Variants in VWA2 observed in about 807,000 individuals in gnomAD.
VWA2 encodes von Willebrand factor A domain-containing protein 2.
VWA2 carries 73 observed loss-of-function variants against 70.4 expected under a neutral mutation model. The observed-to-expected ratio is 1.04, with a 90% CI of 0.86 to 1.26. VWA2 has a LOEUF of 1.26. VWA2 is among the 50% of genes most tolerant of loss of function. The pLI, the probability that VWA2 is intolerant of heterozygous loss-of-function variation, is 0.00. For missense variants in VWA2, 1,011 were observed against 998.5 expected, an observed-to-expected ratio of 1.01 and a Z score of -0.17; for synonymous variants, 407 against 423.3, an observed-to-expected ratio of 0.96 and a Z score of 0.47.
rs778425852 is a variant in VWA2, at chr10:114,248,688, T to G, written c.-10-16T>G. ...CTAATTGCTGATACTTTCTTTCTTT[T>G]CCTGTGTCCCTGTAGTTATATCAAC... On this transcript the variant is annotated splice_polypyrimidine_tract_variant and intron_variant, in intron 1 of 13. Transcript: ENST00000392982. The G allele has an allele frequency of 6.2e-7, 1 of 1,609,730 alleles. No individual in the cohort carries two copies. Among genetic ancestry groups the G allele is most frequent in the South Asian group, 1.1e-5 (1 of 91,036 alleles).
intron 3 of VWA2, 152 bp from the exon 4 acceptor site, chr10:114,254,763 G>T (rs2037284517): frequency 9.8e-7 from 1 of 1,019,908 alleles, no homozygotes; most frequent in African/African-American, 1.6e-5. Context: ...TGTGCTTCCT[G>T]CTTCAGAGGA....
intron 5 of VWA2, among the ~76,000 whole-genome samples, chr10:114,266,834 C>A (rs114836130): frequency 2.1e-3 from 315 of 152,314 alleles, no homozygotes; most frequent in African/African-American, 7.1e-3. Context: ...TCCCCGGCCC[C>A]TTTCAAACCA....
chr10:114,285,998 G>T lies in VWA2; in HGVS notation c.1057G>T (p.Gly353Cys). The change falls in exon 11 of 14, where the codon GGC becomes TGC. Residue 353 changes from glycine to cysteine, a missense_variant. Physicochemically the swap from Gly to Cys is radical, Grantham distance 159. Transcript: ENST00000392982. Reference sequence around the variant, plus strand: ...CCTCTTCCTGCTGGACAGCTCTGCGGGCACCACTCTGGACGGCTTCCTGCG... The same window carrying T: ...CCTCTTCCTGCTGGACAGCTCTGCGTGCACCACTCTGGACGGCTTCCTGCG... ...DLLFLLDSSA[G>C]TTLDGFLRAK... 6.2e-7 allele frequency: 1 copy of T among 1,613,888 alleles called. No homozygotes were observed. Among genetic ancestry groups the T allele is most frequent in the South Asian group, 1.1e-5 (1 of 91,026 alleles).
intron 6 of VWA2, among the ~76,000 whole-genome samples, chr10:114,277,352 T>A (rs1198133865): frequency 1.3e-5 from 2 of 151,508 alleles, no homozygotes; most frequent in Non-Finnish European, 2.9e-5. Flanking sequence ...CCCAGCTAAT[T>A]TTTGTATTTT....
intron 8 of VWA2, among the ~76,000 whole-genome samples, chr10:114,279,136 C>T (rs929756243): frequency 1.3e-5 from 2 of 152,144 alleles, no homozygotes; most frequent in East Asian, 3.9e-4. Context: ...CCCTGCAGGG[C>T]GGTGGTCTGC....
At chr10:114,279,225 T>C (rs2037936997) in intron 8 of VWA2, among the ~76,000 whole-genome samples, 1 of 152,088 alleles carries the variant, frequency 6.6e-6, no homozygotes, top group Admixed American at 6.5e-5. Flanking sequence ...GGCAAGAGGA[T>C]AGAGATCCTC....
chr10:114,255,157 C>A, intron 4 of VWA2, 109 bp downstream of exon 4: 2 of 1,390,746 alleles, frequency 1.4e-6, no homozygotes, highest in Non-Finnish European at 2.0e-6. Flanking sequence ...GCTGGGAAGA[C>A]CAAGGGGCTG....
chr10:114,274,891 C>T (rs1589762182), intron 6 of VWA2, among the ~76,000 whole-genome samples: 1 of 152,050 alleles, frequency 6.6e-6, no homozygotes, highest in Non-Finnish European at 1.5e-5. Context: ...TGACTTGAGC[C>T]CCAGAGTGAA....
At chr10:114,247,818 T>A (rs1445825874) in intron 1 of VWA2, among the ~76,000 whole-genome samples, 1 of 151,946 alleles carries the variant, frequency 6.6e-6, no homozygotes, top group Non-Finnish European at 1.5e-5. Context: ...AACCACAGCC[T>A]CTCCCAAGGT....
intron 3 of VWA2, among the ~76,000 whole-genome samples, chr10:114,254,183 T>C (rs1038867840): frequency 1.3e-5 from 2 of 151,756 alleles, no homozygotes; most frequent in Non-Finnish European, 2.9e-5. Context: ...GCAATCCTCC[T>C]GCCTCAGCCT....
chr10:114,291,974 T>C lies in VWA2; in HGVS notation c.*737T>C, dbSNP rs1237948901. Among the ~76,000 whole-genome samples the C allele has an allele frequency of 6.6e-6, 1 of 152,006 alleles. No homozygotes were observed. Among genetic ancestry groups the C allele is most frequent in the Non-Finnish European group, 1.5e-5 (1 of 67,994 alleles). On this transcript the variant is annotated 3_prime_UTR_variant, in exon 14 of 14. Coordinates refer to ENST00000392982, the MANE Select transcript of VWA2 (RefSeq NM_001272046.2). ...TCGTGAGCAGTGTCCACCTGAAGGG[T>C]CTTCCTTTCAAAAGAGGCTGCGGCC...
rs541184391 is a variant in VWA2 at position 114,293,783 on chromosome 10, A to G, written c.*2546A>G. On this transcript the variant is annotated 3_prime_UTR_variant, in exon 14 of 14. Coordinates refer to ENST00000392982, the MANE Select transcript of VWA2 (RefSeq NM_001272046.2). ...AATTGACTCTTGCTTTTCTAGAGAA[A>G]TATTTCCAAATGATGCTAGTTTTGT... 2.0e-5 allele frequency among the ~76,000 whole-genome samples: 3 copies of G among 152,314 alleles called. No homozygotes were observed. The highest frequency in any genetic ancestry group is 4.8e-5 in the African/African-American group (2 of 41,562).
chr10:114,286,425 A>G lies in VWA2; in HGVS notation c.1484A>G (p.Lys495Arg), dbSNP rs368880241. ...AELEEITGSP[K>R]HVMVYSDPQD... ...CTGGAGGAGATCACAGGCAGCCCAA[A>G]GCATGTGATGGTCTACTCGGATCCT... Residue 495 changes from lysine (K) to arginine (R), a missense_variant, in exon 11 of 14, where the codon AAG becomes AGG. Lys to Arg is a conservative substitution (Grantham distance 26, BLOSUM62 2). Coordinates refer to ENST00000392982, the MANE Select transcript of VWA2 (RefSeq NM_001272046.2). 2 of 1,613,698 alleles carry G rather than the reference A, an allele frequency of 1.2e-6. No individual in the cohort carries two copies. The highest frequency in any genetic ancestry group is 2.7e-5 in the African/African-American group (2 of 74,952).
At chr10:114,276,978 A>G (rs1176934941) in intron 6 of VWA2, among the ~76,000 whole-genome samples, 1 of 152,026 alleles carries the variant, frequency 6.6e-6, no homozygotes, top group African/African-American at 2.4e-5. Flanking sequence ...CCCTGTGCAC[A>G]TGTGCCCTCA....
intron 6 of VWA2, among the ~76,000 whole-genome samples, chr10:114,277,595 T>A (rs1320649048): frequency 1.3e-5 from 2 of 152,234 alleles, no homozygotes; most frequent in Non-Finnish European, 2.9e-5. Flanking sequence ...AGCGCTGCCC[T>A]ATGGCTATCG....
At position 114,292,352 on chromosome 10, in the gene VWA2, T is replaced by C. The variant is rs2039681281; in HGVS notation, c.*1115T>C. Among the ~76,000 whole-genome samples, 1 of 152,112 alleles carries C rather than the reference T, an allele frequency of 6.6e-6. No homozygotes were observed. The highest frequency in any genetic ancestry group is 2.4e-5 in the African/African-American group (1 of 41,418). ...AATTCTTTCCTTATTCTCCTTTTAG[T>C]GGGGCAAAGAGAAGTAAGATTCTTA... On this transcript the variant is annotated 3_prime_UTR_variant, in exon 14 of 14. Coordinates refer to ENST00000392982, the MANE Select transcript of VWA2 (RefSeq NM_001272046.2).
intron 5 of VWA2, among the ~76,000 whole-genome samples, chr10:114,261,960 T>A (rs1417372597): frequency 6.6e-6 from 1 of 152,090 alleles, no homozygotes; most frequent in Non-Finnish European, 1.5e-5. Context: ...GGGGGGCAGG[T>A]GCATCACATG....
chr10:114,266,046 C>G (rs1300543264), intron 5 of VWA2, among the ~76,000 whole-genome samples: 1 of 152,072 alleles, frequency 6.6e-6, no homozygotes, highest in East Asian at 1.9e-4. Context: ...GTCTGTAATC[C>G]CAGCACTTTG....
chr10:114,278,022 G>A lies in VWA2; in HGVS notation c.675G>A (p.Ser225=), dbSNP rs142441906. 1,185 of 1,612,462 alleles carry A rather than the reference G, an allele frequency of 7.3e-4. 3 individuals carry two copies. Among genetic ancestry groups the A allele is most frequent in the Admixed American group, 2.2e-3 (130 of 59,998 alleles). ...GCCTCTTCAGCACCCTCAGCAGCTC[G>A]GCCATCTGCTCCAGCGCCACGCCAG... ...TNGLFSTLSS[S]AICSSATPDC... The change falls in exon 7 of 14, where the codon TCG becomes TCA. Residue 225 remains serine, a synonymous_variant. Coordinates refer to ENST00000392982, the MANE Select transcript of VWA2 (RefSeq NM_001272046.2).
Sources: allele counts gnomAD v4.1 joint callset (sites outside exome capture counted in the v4.1 genomes callset), GRCh38; gene constraint gnomAD v4.1.1; transcripts MANE v1.5; gene names NCBI Gene and HGNC (gene_info 2026-07-23, HGNC 2026-07-21).